Variants in ACOXL observed in about 807,000 individuals in gnomAD.
ACOXL encodes acyl-coenzyme A oxidase-like protein.
Under a neutral mutation model 71.9 loss-of-function variants are expected in ACOXL, and 70 were observed. The observed-to-expected ratio is 0.97, with a 90% CI of 0.80 to 1.19. The LOEUF is 1.19. Ranked by LOEUF, ACOXL falls within the 50% of genes most tolerant of loss-of-function variation. ACOXL has a pLI of 0.00. For missense variants in ACOXL, 703 were observed against 736.3 expected, an observed-to-expected ratio of 0.95 and a Z score of 0.52; for synonymous variants, 253 against 281.6, an observed-to-expected ratio of 0.90 and a Z score of 1.02.
At chr2:110,970,228 C>T (rs1046821832) in intron 12 of ACOXL, among the ~76,000 whole-genome samples, 3 of 152,122 alleles carry the variant, frequency 2.0e-5, no homozygotes, top group African/African-American at 7.2e-5. Context: ...AATGTAGATA[C>T]AGAAATCTTC....
chr2:111,064,560 AGTT>A (rs992138840), intron 16 of ACOXL, among the ~76,000 whole-genome samples: 6 of 152,318 alleles, frequency 3.9e-5, no homozygotes, highest in African/African-American at 1.2e-4. Flanking sequence ...TTATGTAAGT[AGTT>A]GTTGTATTGT....
intron 9 of ACOXL, among the ~76,000 whole-genome samples, chr2:110,839,888 G>A (rs776387572): frequency 3.9e-5 from 6 of 152,136 alleles, no homozygotes; most frequent in Admixed American, 2.0e-4. Context: ...AACATCAAGG[G>A]AACCATAAGT....
chr2:110,765,523 G>A (rs1277258017), intron 1 of ACOXL, among the ~76,000 whole-genome samples: 1 of 152,088 alleles, frequency 6.6e-6, no homozygotes, highest in African/African-American at 2.4e-5. Context: ...ATTGATTTGT[G>A]TTCTAGTCTA....
At position 110,995,499 on chromosome 2, in the gene ACOXL, C is replaced by CAAAAA. The variant is rs567318996; in HGVS notation, c.1170-379_1170-375dup. On this transcript the variant is annotated intron_variant, in intron 13 of 17. Transcript: ENST00000439055. ...TGGGAAACAGAGTGAGACTCTGTCTCAAAAAAAAAAAAAAAAAAAGAATTG... is the reference window on the plus strand; with the variant it reads ...TGGGAAACAGAGTGAGACTCTGTCTCAAAAAAAAAAAAAAAAAAAAAAAAGAATTG... 4.5e-3 allele frequency among the ~76,000 whole-genome samples: 303 copies of CAAAAA among 67,258 alleles called. 57 individuals carry two copies. The Middle Eastern group carries it at 0.058, about 13-fold the overall frequency. 44.1% of individuals were successfully genotyped at this position (67,258 alleles called of 152,430 possible).
intron 12 of ACOXL, among the ~76,000 whole-genome samples, chr2:110,985,365 C>T (rs912090092): frequency 2.6e-5 from 4 of 152,158 alleles, no homozygotes; most frequent in Non-Finnish European, 5.9e-5. Flanking sequence ...TATTTTGTAA[C>T]ACTCCCTTTA....
At chr2:110,904,079 G>A (rs2059349184) in intron 10 of ACOXL, among the ~76,000 whole-genome samples, 1 of 152,228 alleles carries the variant, frequency 6.6e-6, no homozygotes, top group Admixed American at 6.5e-5. Context: ...TCTGATGGGT[G>A]GTGAGAAGTG....
intron 12 of ACOXL, among the ~76,000 whole-genome samples, chr2:110,977,909 A>G (rs190974901): frequency 4.5e-4 from 68 of 152,324 alleles, no homozygotes; most frequent in Non-Finnish European, 8.2e-4. Context: ...ATATAACCAG[A>G]GATTGCCGTG....
At chr2:110,757,966 C>T (rs182831168) in intron 1 of ACOXL, among the ~76,000 whole-genome samples, 1 of 152,210 alleles carries the variant, frequency 6.6e-6, no homozygotes, top group East Asian at 1.9e-4. Context: ...AATCTTTGCC[C>T]ATGCCTATGT....
chr2:110,848,106 T>C lies in ACOXL; in HGVS notation c.788+6701T>C, dbSNP rs139290445. On this transcript the variant is annotated intron_variant, in intron 10 of 17. Transcript: ENST00000439055. ...CCAGAACCACAGCCATCAGGCCTAT[T>C]GGATTTTGATTTCAAGTGTTGGCAA... 2.3e-3 allele frequency among the ~76,000 whole-genome samples: 353 copies of C among 152,338 alleles called. 1 individual carries two copies. The highest frequency in any genetic ancestry group is 7.9e-3 in the African/African-American group (329 of 41,574).
intron 14 of ACOXL, among the ~76,000 whole-genome samples, chr2:111,024,816 C>T (rs2064944910): frequency 6.6e-6 from 1 of 151,464 alleles, no homozygotes. Flanking sequence ...ACATGTCTAA[C>T]CCTAGCGGCT....
intron 12 of ACOXL, among the ~76,000 whole-genome samples, chr2:110,943,690 G>A (rs2060984068): frequency 6.6e-6 from 1 of 152,056 alleles, no homozygotes; most frequent in African/African-American, 2.4e-5. Flanking sequence ...AACTCCATAG[G>A]GCTTAGTGCT....
At chr2:110,999,304 ATT>A (rs2063522889) in intron 14 of ACOXL, among the ~76,000 whole-genome samples, 1 of 152,130 alleles carries the variant, frequency 6.6e-6, no homozygotes, top group African/African-American at 2.4e-5. Context: ...CTACAGCTTC[ATT>A]TTAACTGAAT....
intron 1 of ACOXL, among the ~76,000 whole-genome samples, chr2:110,762,409 TA>T (rs1436752370): frequency 1.3e-4 from 20 of 152,214 alleles, no homozygotes; most frequent in Admixed American, 1.2e-3. Context: ...TTATTTCTCT[TA>T]TTTTTTTTGT....
intron 9 of ACOXL, among the ~76,000 whole-genome samples, chr2:110,831,520 A>G (rs2612697): frequency 0.034 from 5,168 of 152,354 alleles, 116 homozygotes; most frequent in Non-Finnish European, 0.054. Flanking sequence ...AAAGTTGTCA[A>G]TTCTCCTCAG....
chr2:110,873,777 C>T (rs538046046), intron 10 of ACOXL, among the ~76,000 whole-genome samples: 5 of 152,206 alleles, frequency 3.3e-5, no homozygotes, highest in Admixed American at 6.5e-5. Flanking sequence ...TGTTCAATTG[C>T]GTTTTCTACG....
intron 14 of ACOXL, among the ~76,000 whole-genome samples, chr2:111,000,514 C>T (rs2149613327): frequency 6.6e-6 from 1 of 152,294 alleles, no homozygotes; most frequent in Admixed American, 6.5e-5. Context: ...CCACCACAGA[C>T]TAGGTGGCTT....
At chr2:110,855,729 C>T (rs367892545) in intron 10 of ACOXL, among the ~76,000 whole-genome samples, 4 of 152,058 alleles carry the variant, frequency 2.6e-5, no homozygotes, top group African/African-American at 9.7e-5. Context: ...ATGTTGTGTC[C>T]GGAGTTGGTT....
chr2:110,880,731 C>T (rs749443637), intron 10 of ACOXL, among the ~76,000 whole-genome samples: 10 of 152,132 alleles, frequency 6.6e-5, no homozygotes, highest in East Asian at 1.9e-4. Flanking sequence ...GAGGATTACT[C>T]GAGCCTGGGA....
intron 12 of ACOXL, among the ~76,000 whole-genome samples, chr2:110,935,580 G>A (rs539287785): frequency 4.7e-4 from 71 of 152,248 alleles, no homozygotes; most frequent in Non-Finnish European, 7.6e-4. Context: ...TAGAGAAGAC[G>A]CAGTCCATGC....
Sources: gnomAD v4.1 joint callset for allele counts (sites outside exome capture counted in the v4.1 genomes callset) on GRCh38, gnomAD v4.1.1 for gene constraint, MANE v1.5 for transcripts, NCBI Gene and HGNC (gene_info 2026-07-23, HGNC 2026-07-21) for gene names.